Variants in IGFBP2 observed in about 807,000 individuals in gnomAD.
IGFBP2 encodes the protein insulin like growth factor binding protein 2.
A neutral mutation model predicts 26.2 loss-of-function variants in IGFBP2; 12 were observed. That is an observed-to-expected ratio of 0.46 (90% CI 0.29 to 0.74). The LOEUF is 0.74. Ranked by LOEUF, IGFBP2 falls within the 30% of genes least tolerant of loss-of-function variation. IGFBP2 has a pLI of 0.09. For missense variants in IGFBP2, 328 were observed against 441.2 expected, an observed-to-expected ratio of 0.74 and a Z score of 2.30; for synonymous variants, 189 against 200.6, an observed-to-expected ratio of 0.94 and a Z score of 0.49.
In IGFBP2 at chr2:216,633,498, G is replaced by A; in HGVS notation, c.-26G>A. The stretch of plus-strand genomic sequence containing the variant: ...CGCCCGCCCGCTCGCTCGCTCGCCC[G>A]CCGCGCCGCGCTGCCGACCGCCAGC... On this transcript the variant is annotated 5_prime_UTR_variant, in exon 1 of 4. Transcript: ENST00000233809. The A allele has an allele frequency of 1.5e-6, 1 of 666,822 alleles. No homozygotes were observed. The highest frequency in any genetic ancestry group is 1.9e-6 in the Non-Finnish European group (1 of 536,282). The allele number at this position is 666,822 out of a possible 1,614,324, so 41.3% of individuals were successfully genotyped here. A position where few individuals can be genotyped will look rare whatever the true frequency, so the allele number is the denominator to read the frequency against.
At chr2:216,642,239 C>T (rs1365855711) in intron 1 of IGFBP2, among the ~76,000 whole-genome samples, 1 of 151,580 alleles carries the variant, frequency 6.6e-6, no homozygotes, top group African/African-American at 2.4e-5. Flanking sequence ...ACCTCATGAT[C>T]CGCCCACCTC....
At chr2:216,662,232 C>T in intron 3 of IGFBP2, 3 of 563,564 alleles carry the variant, frequency 5.3e-6, no homozygotes, top group Non-Finnish European at 9.5e-6. Flanking sequence ...TGCCCACCGG[C>T]CTCACTTGGA....
chr2:216,653,741 C>G (rs1034452989), intron 1 of IGFBP2, among the ~76,000 whole-genome samples: 4 of 152,162 alleles, frequency 2.6e-5, no homozygotes, highest in Non-Finnish European at 4.4e-5. Flanking sequence ...CCTTCAAGCC[C>G]CCGACTAATG....
intron 1 of IGFBP2, among the ~76,000 whole-genome samples, chr2:216,649,675 G>A (rs1697780673): frequency 6.6e-6 from 1 of 152,192 alleles, no homozygotes. Context: ...GGCCCCAGAG[G>A]ACCTTGGCTG....
At chr2:216,654,212 G>A (rs942034501) in intron 1 of IGFBP2, among the ~76,000 whole-genome samples, 2 of 152,156 alleles carry the variant, frequency 1.3e-5, no homozygotes, top group South Asian at 2.1e-4. Context: ...TTGGTAACAT[G>A]TGATAATGCC....
intron 3 of IGFBP2, 41 bp downstream of exon 3, chr2:216,662,039 A>T: frequency 6.2e-7 from 1 of 1,606,634 alleles, no homozygotes. Flanking sequence ...GCTCCTCCTC[A>T]GCCCTGGGCC....
At chr2:216,652,235 G>A (rs572824973) in intron 1 of IGFBP2, among the ~76,000 whole-genome samples, 10 of 149,250 alleles carry the variant, frequency 6.7e-5, no homozygotes, top group East Asian at 2.0e-4. Context: ...GCGCAATGGC[G>A]CGATCTTGGC....
intron 1 of IGFBP2, among the ~76,000 whole-genome samples, chr2:216,657,635 C>T (rs1372647793): frequency 6.6e-6 from 1 of 151,584 alleles, no homozygotes; most frequent in Non-Finnish European, 1.5e-5. Flanking sequence ...TGTGGAGGAG[C>T]ACAGAGGGCA....
In IGFBP2 at chr2:216,661,999, G is replaced by A; in HGVS notation, c.813+1G>A. On this transcript the variant is annotated splice_donor_variant, in intron 3 of 3. Transcript: ENST00000233809. LOFTEE classifies it high-confidence loss of function. ...GCATGGCCTGTACAACCTCAAACAG[G>A]TGAGCATGGTGCCAGCCTGGGCCAG... 6.2e-7 allele frequency: 1 copy of A among 1,613,988 alleles called. No individual in the cohort carries two copies. The highest frequency in any genetic ancestry group is 8.5e-7 in the Non-Finnish European group (1 of 1,179,950).
At position 216,664,252 on chromosome 2, in the gene IGFBP2, C is replaced by G. The variant is rs373872758; in HGVS notation, c.*148C>G. The G allele has an allele frequency of 1.6e-5, 9 of 570,456 alleles. No homozygotes were observed. In the South Asian group the frequency reaches 2.8e-4, roughly 17 times the overall value. The allele number at this position is 570,456 out of a possible 1,614,324, so 35.3% of individuals were successfully genotyped here. On this transcript the variant is annotated 3_prime_UTR_variant, in exon 4 of 4. Transcript: ENST00000233809. The surrounding 1 kb of genome is among the most constrained non-coding windows in gnomAD (Gnocchi z 4.6). The stretch of plus-strand genomic sequence containing the variant: ...TTTGGAAAGAGACCAGCACCGAGCT[C>G]GGCACCTCCCCGGCCTCTCTCTTCC...
chr2:216,658,017 C>T (rs146336251), intron 1 of IGFBP2, among the ~76,000 whole-genome samples: 12 of 152,194 alleles, frequency 7.9e-5, no homozygotes, highest in East Asian at 5.8e-4. Flanking sequence ...TCGTCATCAA[C>T]GTAATTCTTG....
chr2:216,638,342 T>A (rs1049513144), intron 1 of IGFBP2, among the ~76,000 whole-genome samples: 1 of 151,042 alleles, frequency 6.6e-6, no homozygotes, highest in African/African-American at 2.4e-5. Flanking sequence ...CCATCTCTAC[T>A]AAAAATGCAA....
At chr2:216,662,565 A>G (rs1205693097) in intron 3 of IGFBP2, 1 of 154,738 alleles carries the variant, frequency 6.5e-6, no homozygotes, top group Non-Finnish European at 1.4e-5. Flanking sequence ...TACATTGGAG[A>G]AAATGAAGTT....
intron 1 of IGFBP2, among the ~76,000 whole-genome samples, chr2:216,636,933 G>GGGCAGGCA (rs1697509743): frequency 1.8e-5 from 2 of 110,052 alleles, no homozygotes; most frequent in South Asian, 7.0e-4. Context: ...GCAGGCGGGC[G>GGGCAGGCA]GGCGGGCGGG....
At chr2:216,646,798 C>G (rs77444553) in intron 1 of IGFBP2, among the ~76,000 whole-genome samples, 53 of 152,248 alleles carry the variant, frequency 3.5e-4, no homozygotes, top group African/African-American at 1.3e-3. Context: ...ATTCAATTAC[C>G]TCCCACTGGG....
rs9341096 is a variant in IGFBP2, at chr2:216,633,933, C to A, written c.410C>A (p.Ala137Asp). ...GEGTCEKRRD[A>D]EYGASPEQVA... ...GGCACTTGTGAGAAGCGCCGGGACG[C>A]CGAGTATGGCGCCAGCCCGGAGCAG... Residue 137 changes from alanine to aspartate, a missense_variant, in exon 1 of 4, where the codon GCC becomes GAC. Ala to Asp is a moderately radical substitution (Grantham distance 126, BLOSUM62 -2). Coordinates refer to ENST00000233809, the MANE Select transcript of IGFBP2 (RefSeq NM_000597.3). 2.9e-5 allele frequency: 47 copies of A among 1,603,324 alleles called. 1 individual carries two copies. Among genetic ancestry groups the A allele is most frequent in the Admixed American group, 6.7e-5 (4 of 59,274 alleles).
intron 1 of IGFBP2, among the ~76,000 whole-genome samples, chr2:216,655,188 A>G (rs1697895675): frequency 6.6e-6 from 1 of 152,116 alleles, no homozygotes; most frequent in Admixed American, 6.5e-5. Flanking sequence ...CTGGGACCAC[A>G]GGTGTGCATC....
At chr2:216,659,909 G>T (rs1228784813) in intron 1 of IGFBP2, among the ~76,000 whole-genome samples, 1 of 152,126 alleles carries the variant, frequency 6.6e-6, no homozygotes, top group Non-Finnish European at 1.5e-5. Flanking sequence ...CTTAGGCAGG[G>T]CCAGGTGGGC....
intron 1 of IGFBP2, among the ~76,000 whole-genome samples, chr2:216,651,369 T>C (rs752046436): frequency 8.5e-5 from 13 of 152,216 alleles, no homozygotes; most frequent in Non-Finnish European, 1.5e-4. Flanking sequence ...TCAAATTCTC[T>C]CCAACAAAAG....
Sources: allele counts gnomAD v4.1 joint callset (sites outside exome capture counted in the v4.1 genomes callset), GRCh38; gene constraint gnomAD v4.1.1; non-coding constraint Gnocchi (gnomAD v3.1); transcripts MANE v1.5; gene names NCBI Gene and HGNC (gene_info 2026-07-23, HGNC 2026-07-21).